SRGAP3: variants seen among roughly 807,000 people sequenced by gnomAD.
SRGAP3 encodes SLIT-ROBO Rho GTPase activating protein 3, also known as SLIT-ROBO Rho GTPase-activating protein 3.
Under a neutral mutation model 121.1 loss-of-function variants are expected in SRGAP3, and 39 were observed. The observed-to-expected ratio is 0.32, with a 90% confidence interval of 0.25 to 0.42. The LOEUF (loss-of-function observed/expected upper bound fraction) is 0.42, where lower values mean the gene tolerates loss of function less well. Ranked by LOEUF, SRGAP3 falls within the 10% of genes least tolerant of loss-of-function variation. SRGAP3 has a pLI of 1.00. For synonymous variants in SRGAP3, 601 were observed against 570.0 expected, an observed-to-expected ratio of 1.05 and a Z score of -0.77; for missense variants, 1,213 against 1,470.6, an observed-to-expected ratio of 0.82 and a Z score of 2.86.
At chr3:9,104,587 C>T (rs1948345699) in intron 3 of SRGAP3, 93 bp downstream of exon 3, 1 of 1,557,872 alleles carries the variant, frequency 6.4e-7, no homozygotes, top group Non-Finnish European at 8.8e-7. Context: ...GGTCCCTTGT[C>T]TCCAAACCAC....
At chr3:9,118,076 G>A (rs1560188267) in intron 2 of SRGAP3, among the ~76,000 whole-genome samples, 3 of 152,084 alleles carry the variant, frequency 2.0e-5, no homozygotes, top group Non-Finnish European at 4.4e-5. Flanking sequence ...AGACTGCAGT[G>A]AGCTGTGATC....
At chr3:9,286,764 G>A (rs111580382) in intron 3 of SRGAP3, among the ~76,000 whole-genome samples, 10,280 of 149,850 alleles carry the variant, frequency 0.069, 1,214 homozygotes, top group African/African-American at 0.23. Flanking sequence ...CACCACACCC[G>A]GCTAATTTTT....
chr3:9,221,557 T>A (rs142134363), intron 1 of SRGAP3, among the ~76,000 whole-genome samples: 1,551 of 152,230 alleles, frequency 0.01, 27 homozygotes, highest in African/African-American at 0.035. Context: ...AATTTTAATA[T>A]GAAAAAATTT....
intron 18 of SRGAP3, among the ~76,000 whole-genome samples, chr3:9,004,756 C>T (rs1360546740): frequency 6.6e-6 from 1 of 152,122 alleles, no homozygotes; most frequent in Non-Finnish European, 1.5e-5. Context: ...TTACCTTATG[C>T]CAAAATTAAC....
At position 9,013,772 on chromosome 3, in the gene SRGAP3, A is replaced by G. The variant is rs1250093089; in HGVS notation, c.1884T>C (p.Ile628=). Reference sequence around the variant, plus strand: ...AAGCGAAGAGGTATCTCATGACCACAATGACCACGCGGGGAAGGGTGACGA... The same window carrying G: ...AAGCGAAGAGGTATCTCATGACCACGATGACCACGCGGGGAAGGGTGACGA... ...QILVTLPRVV[I]VVMRYLFAFL... is the part of the protein sequence containing the mutation. The change falls in exon 16 of 22, where the codon ATT becomes ATC. Residue 628 remains isoleucine, a synonymous_variant. Transcript: ENST00000383836. 1.9e-6 allele frequency: 3 copies of G among 1,614,164 alleles called. No individual in the cohort carries two copies. Among genetic ancestry groups the G allele is most frequent in the Non-Finnish European group, 2.5e-6 (3 of 1,180,024 alleles).
chr3:9,226,048 G>A (rs1453512862), intron 1 of SRGAP3, among the ~76,000 whole-genome samples: 7 of 152,136 alleles, frequency 4.6e-5, no homozygotes, highest in Admixed American at 6.5e-5. Flanking sequence ...CAGTCTGCAA[G>A]CTCTGCATAA....
intron 1 of SRGAP3, among the ~76,000 whole-genome samples, chr3:9,163,932 G>T (rs566990868): frequency 6.7e-6 from 1 of 149,694 alleles, no homozygotes; most frequent in Admixed American, 6.7e-5. Context: ...TCCAGGCACC[G>T]TATGAAGCTC....
chr3:9,078,744 G>A lies in SRGAP3; in HGVS notation c.486+1281C>T, dbSNP rs542695052. Among the ~76,000 whole-genome samples the A allele has an allele frequency of 2.4e-4, 36 of 152,230 alleles. No individual in the cohort carries two copies. In the East Asian group the frequency reaches 5.2e-3, roughly 22 times the overall value. On this transcript the variant is annotated intron_variant, in intron 4 of 21. Coordinates refer to ENST00000383836, the MANE Select transcript of SRGAP3 (RefSeq NM_014850.4). The stretch of plus-strand genomic sequence containing the variant: ...TTCTGCCCCCCAGTGACCAGCTGAT[G>A]CAAAGCAATATGCATTCTCAAGCAG...
chr3:9,043,004 T>C (rs1322704442), intron 10 of SRGAP3, among the ~76,000 whole-genome samples: 1 of 152,132 alleles, frequency 6.6e-6, no homozygotes, highest in African/African-American at 2.4e-5. Context: ...CATCCTTTAG[T>C]TTCAGCTGAA....
intron 3 of SRGAP3, among the ~76,000 whole-genome samples, chr3:9,320,748 C>A (rs1203350974): frequency 1.3e-5 from 2 of 151,824 alleles, no homozygotes; most frequent in African/African-American, 4.8e-5. Flanking sequence ...CTCCTTGAGG[C>A]CCTGGATCCA....
At chr3:9,082,623 C>T (rs370589234) in intron 3 of SRGAP3, among the ~76,000 whole-genome samples, 4 of 152,230 alleles carry the variant, frequency 2.6e-5, no homozygotes, top group Admixed American at 6.5e-5. Flanking sequence ...GTTTCTGTAT[C>T]GAAAATGGGA....
intron 3 of SRGAP3, among the ~76,000 whole-genome samples, chr3:9,280,046 G>A (rs550069391): frequency 2.0e-5 from 3 of 152,316 alleles, no homozygotes; most frequent in South Asian, 2.1e-4. Context: ...CCCCCTTAAA[G>A]GGCCAGCCCA....
chr3:9,122,373 T>C (rs1332064550), intron 2 of SRGAP3, among the ~76,000 whole-genome samples: 1 of 152,168 alleles, frequency 6.6e-6, no homozygotes, highest in African/African-American at 2.4e-5. Flanking sequence ...CCTGAGTGAA[T>C]GTTATTAATA....
chr3:9,335,869 A>G (rs1398222286), intron 1 of SRGAP3, among the ~76,000 whole-genome samples: 1 of 152,012 alleles, frequency 6.6e-6, no homozygotes, highest in Non-Finnish European at 1.5e-5. Flanking sequence ...TTTTCTTATT[A>G]TTATTTTTTT....
intron 1 of SRGAP3, among the ~76,000 whole-genome samples, chr3:9,234,775 A>T (rs985953303): frequency 6.6e-6 from 1 of 152,330 alleles, no homozygotes; most frequent in South Asian, 2.1e-4. Flanking sequence ...CACAATGGCC[A>T]GGAAATCCAG....
chr3:9,229,068 C>CAAAAA (rs61231273), intron 1 of SRGAP3, among the ~76,000 whole-genome samples: 6 of 74,072 alleles, frequency 8.1e-5, no homozygotes, highest in African/African-American at 2.0e-4. Flanking sequence ...GACTCCGTCT[C>CAAAAA]AAAAAAAAAA....
At chr3:9,342,229 T>C (rs1955799178) in intron 1 of SRGAP3, among the ~76,000 whole-genome samples, 1 of 151,952 alleles carries the variant, frequency 6.6e-6, no homozygotes, top group African/African-American at 2.4e-5. Context: ...CGCATGCCTA[T>C]AGTCCCAGCT....
chr3:9,136,265 C>A (rs1949644304), intron 1 of SRGAP3, among the ~76,000 whole-genome samples: 1 of 152,228 alleles, frequency 6.6e-6, no homozygotes, highest in African/African-American at 2.4e-5. Flanking sequence ...CTCCTGTACA[C>A]CGAGAGGCGG....
At chr3:9,280,899 T>C (rs1954663795) in intron 3 of SRGAP3, among the ~76,000 whole-genome samples, 1 of 152,166 alleles carries the variant, frequency 6.6e-6, no homozygotes, top group Non-Finnish European at 1.5e-5. Flanking sequence ...CACCGATTAT[T>C]TCCAGCACAA....
Sources: allele counts gnomAD v4.1 joint callset (sites outside exome capture counted in the v4.1 genomes callset), GRCh38; gene constraint gnomAD v4.1.1; transcripts MANE v1.5; gene names NCBI Gene and HGNC (gene_info 2026-07-23, HGNC 2026-07-21).